FADS2: variants seen among roughly 807,000 people sequenced by gnomAD.
FADS2 encodes the protein acyl-CoA 6-desaturase.
A neutral mutation model predicts 61.2 loss-of-function variants in FADS2; 18 were observed. That is an observed-to-expected ratio of 0.29 (90% CI 0.20 to 0.44). The LOEUF (loss-of-function observed/expected upper bound fraction) is 0.44. Among genes scored for constraint, FADS2 ranks in the 20% least tolerant of loss-of-function variants. The pLI, the probability that FADS2 is intolerant of heterozygous loss-of-function variation, is 1.00. For missense variants in FADS2, 322 were observed against 572.7 expected (o/e 0.56, Z 4.47); for synonymous variants, 203 against 223.9 (o/e 0.91, Z 0.83).
chr11:61,857,601 C>A, intron 7 of FADS2, 71 bp downstream of exon 7: 2 of 1,351,376 alleles, frequency 1.5e-6, no homozygotes, highest in Non-Finnish European at 2.1e-6. Context: ...GGGGGTCCTA[C>A]GCTGCCTCCT....
At chr11:61,821,358 G>C (rs1226942664) in intron 1 of FADS2, 1 of 699,790 alleles carries the variant, frequency 1.4e-6, no homozygotes, top group South Asian at 1.5e-5. Context: ...CTTCCTAACT[G>C]TCCCACCATT....
At chr11:61,856,627 A>G (rs2067361925) in intron 5 of FADS2, 1 of 202,314 alleles carries the variant, frequency 4.9e-6, no homozygotes. Context: ...TTCATTCAAC[A>G]AACATTTGTT....
chr11:61,842,710 AG>A (rs1009877340), intron 4 of FADS2, among the ~76,000 whole-genome samples: 1 of 152,160 alleles, frequency 6.6e-6, no homozygotes, highest in African/African-American at 2.4e-5. Flanking sequence ...AGACAGGCCA[AG>A]GACATGGACA....
intron 7 of FADS2, chr11:61,862,194 A>G (rs174619): frequency 0.44 from 67,250 of 151,884 alleles, 16,781 homozygotes; most frequent in East Asian, 0.68. Context: ...ACTGGGTGGG[A>G]TGGGGGCTTT....
At chr11:61,832,237 C>T (rs1192964340) in intron 1 of FADS2, among the ~76,000 whole-genome samples, 1 of 152,234 alleles carries the variant, frequency 6.6e-6, no homozygotes, top group Non-Finnish European at 1.5e-5. Flanking sequence ...TTTCAACCTG[C>T]TCCTATGTTA....
chr11:61,824,361 G>C (rs909226617), upstream of FADS2, among the ~76,000 whole-genome samples: 3 of 145,412 alleles, frequency 2.1e-5, no homozygotes, highest in African/African-American at 7.6e-5. Context: ...CAGCCTGGGG[G>C]ATAGAGTGAG....
chr11:61,865,340 C>A lies in FADS2; in HGVS notation c.1283+63C>A. 2 of 1,585,538 alleles carry A rather than the reference C, an allele frequency of 1.3e-6. No homozygotes were observed. The highest frequency in any genetic ancestry group is 1.7e-6 in the Non-Finnish European group (2 of 1,165,342). On this transcript the variant is annotated intron_variant, in intron 11 of 11. Coordinates refer to ENST00000278840, the MANE Select transcript of FADS2 (RefSeq NM_004265.4). This position sits in a 1 kb window ranked among gnomAD's most constrained non-coding sequence, Gnocchi z 4.1. ...TCACCCGTGGTGCAGACAGTGGGAT[C>A]ACAAGAGGGGCTGGGCCCTCCTGGC...
intron 4 of FADS2, among the ~76,000 whole-genome samples, chr11:61,842,175 C>T (rs536253177): frequency 4.6e-5 from 7 of 152,204 alleles, no homozygotes; most frequent in East Asian, 1.9e-4. Context: ...CAGACCGCAA[C>T]GGGGCCCTTG....
Position 61,816,644 on chromosome 11 carries a change from C to T in FADS2, c.141+218C>T, listed in dbSNP as rs1306474565. The T allele has an allele frequency of 6.2e-7, 1 of 1,603,488 alleles. No homozygotes were observed. The highest frequency in any genetic ancestry group is 8.5e-7 in the Non-Finnish European group (1 of 1,175,880). ...TCGCTGATGTTGTACACCTTACGGT[C>T]GATCACTAGCCACCGCTCCTCGCAC... On this transcript the variant is annotated intron_variant, in intron 1 of 11. Transcript: ENST00000257261. This position sits in a 1 kb window ranked among gnomAD's most constrained non-coding sequence, Gnocchi z 7.0.
At chr11:61,864,028 A>C (rs1591182682) in intron 10 of FADS2, 3 of 491,424 alleles carry the variant, frequency 6.1e-6, no homozygotes, top group South Asian at 3.8e-5. Context: ...AGTGGTTACC[A>C]CCTCCCTCCA....
At chr11:61,847,697 C>T in intron 4 of FADS2, 1 of 179,710 alleles carries the variant, frequency 5.6e-6, no homozygotes, top group East Asian at 1.4e-4. Flanking sequence ...GAACACTGCT[C>T]TATGAGTTGG....
intron 7 of FADS2, chr11:61,861,852 C>T (rs1238592881): frequency 6.6e-6 from 1 of 152,260 alleles, no homozygotes; most frequent in Non-Finnish European, 1.5e-5. Flanking sequence ...CTTGTCAGTG[C>T]CGTGGGTTCT....
At chr11:61,857,397 C>A in intron 6 of FADS2, 57 bp from the exon 7 acceptor site, 1 of 1,533,032 alleles carries the variant, frequency 6.5e-7, no homozygotes, top group Non-Finnish European at 9.0e-7. Context: ...TTCCCCTGAC[C>A]TTCCGGCACA....
At chr11:61,828,203 GCAGGGA>G (rs2067098749), upstream of FADS2, 1 of 1,426,406 alleles carries the variant, frequency 7.0e-7, no homozygotes, top group Admixed American at 2.9e-5. The surrounding 1 kb of genome is among the most constrained non-coding windows in gnomAD (Gnocchi z 6.4). Flanking sequence ...CGCCAGGAAG[GCAGGGA>G]CACTCCCGAG....
rs1400620677 is a variant in FADS2 at position 61,828,698 on chromosome 11, C to T, written c.207+101C>T. ...AACAGACCTCCGGCGCTGAATGGAG[C>T]TTGGGACGTCCTGTAGGGAAGGAAA... On this transcript the variant is annotated intron_variant, in intron 1 of 11. Coordinates refer to ENST00000278840, the MANE Select transcript of FADS2 (RefSeq NM_004265.4). This position sits in a 1 kb window ranked among gnomAD's most constrained non-coding sequence, Gnocchi z 6.4. The T allele has an allele frequency of 3.9e-6, 4 of 1,016,126 alleles. No homozygotes were observed. In the South Asian group the frequency reaches 6.2e-5, roughly 16 times the overall value. The allele number at this position is 1,016,126 out of a possible 1,614,324, so 62.9% of individuals were successfully genotyped here.
chr11:61,850,891 G>A (rs563317437), intron 5 of FADS2, among the ~76,000 whole-genome samples: 3 of 152,138 alleles, frequency 2.0e-5, no homozygotes, highest in Non-Finnish European at 4.4e-5. Flanking sequence ...ACAAGGCGAG[G>A]AGACAGCCTG....
chr11:61,845,607 A>G (rs1222876615), intron 4 of FADS2, among the ~76,000 whole-genome samples: 1 of 152,094 alleles, frequency 6.6e-6, no homozygotes, highest in Non-Finnish European at 1.5e-5. Flanking sequence ...AGCCTGGCCA[A>G]CATGGTGAAA....
intron 4 of FADS2, among the ~76,000 whole-genome samples, chr11:61,843,413 G>C (rs2067231798): frequency 6.6e-6 from 1 of 152,222 alleles, no homozygotes; most frequent in African/African-American, 2.4e-5. Flanking sequence ...ATGGGTGACA[G>C]AGTGAGACAC....
chr11:61,852,530 G>T (rs530598619), intron 5 of FADS2, among the ~76,000 whole-genome samples: 1 of 152,180 alleles, frequency 6.6e-6, no homozygotes, highest in African/African-American at 2.4e-5. Flanking sequence ...CAAAGTGCTG[G>T]GATTACAGGC....
Sources: allele counts gnomAD v4.1 joint callset (sites outside exome capture counted in the v4.1 genomes callset), GRCh38; gene constraint gnomAD v4.1.1; non-coding constraint Gnocchi (gnomAD v3.1); transcripts MANE v1.5; gene names NCBI Gene and HGNC (gene_info 2026-07-23, HGNC 2026-07-21).